Variants in GALNTL6 observed in about 807,000 individuals in gnomAD.
GALNTL6 encodes the protein polypeptide N-acetylgalactosaminyltransferase like 6, also known as polypeptide N-acetylgalactosaminyltransferase-like 6.
Under a neutral mutation model 73.7 loss-of-function variants are expected in GALNTL6, and 46 were observed. That is an observed-to-expected ratio of 0.62 (90% CI 0.49 to 0.80). GALNTL6 has a LOEUF of 0.80. GALNTL6 is among the 30% of genes least tolerant of loss of function. GALNTL6 has a pLI of 0.00. For synonymous variants in GALNTL6, 259 were observed against 263.7 expected (o/e 0.98, Z 0.17); for missense variants, 604 against 755.0 (o/e 0.80, Z 2.34).
At chr4:172,224,892 C>T (rs995797360) in intron 2 of GALNTL6, among the ~76,000 whole-genome samples, 1 of 152,118 alleles carries the variant, frequency 6.6e-6, no homozygotes, top group Non-Finnish European at 1.5e-5. Flanking sequence ...TTTCAATGGG[C>T]TCTGGGATCC....
chr4:172,916,931 C>G (rs906728477), intron 8 of GALNTL6, among the ~76,000 whole-genome samples: 2 of 152,196 alleles, frequency 1.3e-5, no homozygotes, highest in African/African-American at 4.8e-5. Context: ...AAAGAGCCCA[C>G]ATTGCTAAGA....
At chr4:172,874,446 A>G (rs892718301) in intron 7 of GALNTL6, among the ~76,000 whole-genome samples, 2 of 152,192 alleles carry the variant, frequency 1.3e-5, no homozygotes. Flanking sequence ...GGATTTAGAA[A>G]AGGGGCAAAG....
rs768050664 is a variant in GALNTL6 at position 171,934,374 on chromosome 4, C to A, written c.138+119656C>A. ...GGTAAAACCAGGAAGTAAAAAGACC[C>A]TTCTTTATGTATGTATGTATATCTA... On this transcript the variant is annotated intron_variant, in intron 2 of 12. Coordinates refer to ENST00000506823, the MANE Select transcript of GALNTL6 (RefSeq NM_001034845.3). Among the ~76,000 whole-genome samples, 10 of 152,034 alleles carry A rather than the reference C, an allele frequency of 6.6e-5. 1 individual carries two copies. The highest frequency in any genetic ancestry group is 1.3e-4 in the Admixed American group (2 of 15,244).
chr4:172,674,735 A>G (rs1047096989), intron 5 of GALNTL6, among the ~76,000 whole-genome samples: 2 of 152,072 alleles, frequency 1.3e-5, no homozygotes, highest in Non-Finnish European at 2.9e-5. Context: ...TGAAGCTCTG[A>G]AATTCTTTCC....
At chr4:172,840,645 A>G (rs554705095) in intron 7 of GALNTL6, among the ~76,000 whole-genome samples, 1 of 152,390 alleles carries the variant, frequency 6.6e-6, no homozygotes, top group South Asian at 2.1e-4. Context: ...CTTAGAGTTC[A>G]TTGTGCAGTA....
At chr4:171,899,661 C>A (rs1434422049) in intron 2 of GALNTL6, among the ~76,000 whole-genome samples, 1 of 152,078 alleles carries the variant, frequency 6.6e-6, no homozygotes, top group Non-Finnish European at 1.5e-5. Flanking sequence ...ACACATAGAA[C>A]AAAGACTAAT....
chr4:171,837,315 A>C (rs1321373927), intron 2 of GALNTL6, among the ~76,000 whole-genome samples: 1 of 152,112 alleles, frequency 6.6e-6, no homozygotes, highest in Non-Finnish European at 1.5e-5. Flanking sequence ...AAGAAGCTAA[A>C]GAAATATTAC....
At chr4:172,946,141 G>GTA (rs1379527061) in intron 9 of GALNTL6, among the ~76,000 whole-genome samples, 1 of 151,946 alleles carries the variant, frequency 6.6e-6, no homozygotes, top group Non-Finnish European at 1.5e-5. Flanking sequence ...GTGTGTGTGT[G>GTA]TGTGTGTGTG....
At chr4:172,226,364 A>G (rs1432013225) in intron 2 of GALNTL6, among the ~76,000 whole-genome samples, 1 of 152,172 alleles carries the variant, frequency 6.6e-6, no homozygotes, top group Non-Finnish European at 1.5e-5. Flanking sequence ...TTCCGGTTAG[A>G]TTATTCATAT....
At position 172,003,156 on chromosome 4, in the gene GALNTL6, A is replaced by T. The variant is rs865856977; in HGVS notation, c.138+188438A>T. Among the ~76,000 whole-genome samples the T allele has an allele frequency of 5.9e-5, 9 of 152,178 alleles. No individual in the cohort carries two copies. The Middle Eastern group carries it at 0.017, about 288-fold the overall frequency. The stretch of plus-strand genomic sequence containing the variant: ...CTTTTGTGTTGTTCTTAGGATTTAC[A>T]TATCGTTTGCTTGAATAAAAAATAC... On this transcript the variant is annotated intron_variant, in intron 2 of 12. Coordinates refer to ENST00000506823, the MANE Select transcript of GALNTL6 (RefSeq NM_001034845.3).
chr4:171,996,769 C>A (rs1162652007), intron 2 of GALNTL6, among the ~76,000 whole-genome samples: 1 of 151,374 alleles, frequency 6.6e-6, no homozygotes, highest in African/African-American at 2.4e-5. Context: ...GAAAGTCTAC[C>A]CACTATGTGT....
chr4:172,866,193 C>A (rs141861768), intron 7 of GALNTL6, among the ~76,000 whole-genome samples: 1 of 152,126 alleles, frequency 6.6e-6, no homozygotes, highest in Non-Finnish European at 1.5e-5. Context: ...CCCTACATAG[C>A]CTCTCTAAAA....
At chr4:171,858,075 G>T (rs1182401524) in intron 2 of GALNTL6, among the ~76,000 whole-genome samples, 1 of 151,982 alleles carries the variant, frequency 6.6e-6, no homozygotes, top group Non-Finnish European at 1.5e-5. Context: ...AGAGATACTT[G>T]GGATTTTGTT....
At chr4:172,606,410 C>T (rs1258798429) in intron 5 of GALNTL6, among the ~76,000 whole-genome samples, 9 of 148,050 alleles carry the variant, frequency 6.1e-5, no homozygotes, top group Non-Finnish European at 1.0e-4. Context: ...GCCAAAATCG[C>T]GCCATTGCAT....
intron 4 of GALNTL6, among the ~76,000 whole-genome samples, chr4:172,347,240 T>C (rs2111213174): frequency 6.6e-6 from 1 of 152,248 alleles, no homozygotes; most frequent in Admixed American, 6.5e-5. Flanking sequence ...TCCTCCCACC[T>C]TGGCCTCCCA....
chr4:172,666,450 A>T (rs1731671234), intron 5 of GALNTL6, among the ~76,000 whole-genome samples: 1 of 152,142 alleles, frequency 6.6e-6, no homozygotes, highest in African/African-American at 2.4e-5. Flanking sequence ...TGAGAACAAA[A>T]ACTATCACAA....
At chr4:172,655,785 ATAAGT>A (rs1454697289) in intron 5 of GALNTL6, among the ~76,000 whole-genome samples, 1 of 152,232 alleles carries the variant, frequency 6.6e-6, no homozygotes, top group Non-Finnish European at 1.5e-5. Context: ...AAAAAATAAG[ATAAGT>A]TAAATGTATC....
chr4:171,862,394 G>A (rs866550349), intron 2 of GALNTL6, among the ~76,000 whole-genome samples: 1 of 152,016 alleles, frequency 6.6e-6, no homozygotes, highest in African/African-American at 2.4e-5. Context: ...TGTGAACTGA[G>A]CATCTGTTTA....
chr4:172,642,239 G>A (rs1335669478), intron 5 of GALNTL6, among the ~76,000 whole-genome samples: 1 of 151,878 alleles, frequency 6.6e-6, no homozygotes, highest in African/African-American at 2.4e-5. Context: ...TATATTCAAA[G>A]GAAATGAAAT....
Sources: gnomAD v4.1 joint callset for allele counts (sites outside exome capture counted in the v4.1 genomes callset) on GRCh38, gnomAD v4.1.1 for gene constraint, MANE v1.5 for transcripts, NCBI Gene and HGNC (gene_info 2026-07-23, HGNC 2026-07-21) for gene names.